Variants in STK3 observed in about 807,000 individuals in gnomAD.
STK3 encodes serine/threonine kinase 3.
In STK3, 41 loss-of-function variants were observed where a neutral mutation model predicts 58.0. The ratio of observed to expected loss-of-function variants is 0.71; its 90% CI spans 0.55 to 0.92. STK3 has a LOEUF of 0.92. STK3 is among the 40% of genes least tolerant of loss of function. The pLI is 0.00. For synonymous variants in STK3, 170 were observed against 191.0 expected (o/e 0.89, Z 0.91); for missense variants, 479 against 602.7 (o/e 0.79, Z 2.15).
chr8:98,735,457 C>T (rs1563942876), intron 4 of STK3, among the ~76,000 whole-genome samples: 6 of 152,182 alleles, frequency 3.9e-5, no homozygotes, highest in Admixed American at 6.5e-5. Flanking sequence ...GTGAATGATA[C>T]GAGGACTTGA....
At chr8:98,405,593 G>T (rs1817985966) in intron 3 of STK3, among the ~76,000 whole-genome samples, 2 of 152,098 alleles carry the variant, frequency 1.3e-5, no homozygotes, top group South Asian at 4.1e-4. Flanking sequence ...ATTAGCAGTG[G>T]GTCAGGAAAT....
At chr8:98,634,017 A>G (rs1042752137) in intron 6 of STK3, among the ~76,000 whole-genome samples, 1 of 152,234 alleles carries the variant, frequency 6.6e-6, no homozygotes, top group Admixed American at 6.5e-5. Flanking sequence ...GTGGAGTATT[A>G]AAAAAATCTG....
chr8:98,404,937 G>C (rs1398225460), intron 3 of STK3, among the ~76,000 whole-genome samples: 1 of 152,078 alleles, frequency 6.6e-6, no homozygotes, highest in African/African-American at 2.4e-5. Context: ...AATAACTAGG[G>C]TTGAGAGAGT....
intron 2 of STK3, 138 bp downstream of exon 2, chr8:98,774,601 G>T: frequency 1.9e-6 from 1 of 537,972 alleles, no homozygotes; most frequent in South Asian, 5.1e-5. Flanking sequence ...TTAAAATTCA[G>T]TATCACCTGC....
At chr8:98,780,163 C>A (rs1366120334) in intron 1 of STK3, among the ~76,000 whole-genome samples, 1 of 150,966 alleles carries the variant, frequency 6.6e-6, no homozygotes, top group African/African-American at 2.4e-5. Context: ...TATATTTTAC[C>A]TATTATAATT....
At chr8:98,752,984 A>G (rs1174320136) in intron 3 of STK3, among the ~76,000 whole-genome samples, 1 of 152,132 alleles carries the variant, frequency 6.6e-6, no homozygotes, top group Non-Finnish European at 1.5e-5. Context: ...GTTGTGAAGA[A>G]AAAGGAATGC....
intron 3 of STK3, among the ~76,000 whole-genome samples, chr8:98,433,265 C>T (rs1224548120): frequency 6.6e-6 from 1 of 152,132 alleles, no homozygotes; most frequent in African/African-American, 2.4e-5. Context: ...TCCTGCTCAG[C>T]ACCTCTGTCA....
intron 1 of STK3, among the ~76,000 whole-genome samples, chr8:98,780,432 T>C (rs928613757): frequency 6.6e-6 from 1 of 152,162 alleles, no homozygotes; most frequent in African/African-American, 2.4e-5. Context: ...AATCACCTAC[T>C]TGTTCTTTGC....
intron 2 of STK3, among the ~76,000 whole-genome samples, chr8:98,769,149 T>A (rs1394836185): frequency 1.3e-5 from 2 of 152,252 alleles, no homozygotes; most frequent in African/African-American, 4.8e-5. Flanking sequence ...TTTTCCTTGA[T>A]AGCAATATAG....
chr8:98,838,722 G>A (rs1270879464), intron 3 of STK3, among the ~76,000 whole-genome samples: 1 of 152,060 alleles, frequency 6.6e-6, no homozygotes, highest in Non-Finnish European at 1.5e-5. Flanking sequence ...TATTAACACA[G>A]CAAAACTTCC....
chr8:98,629,839 A>C (rs187420548), intron 6 of STK3, among the ~76,000 whole-genome samples: 2 of 152,280 alleles, frequency 1.3e-5, no homozygotes, highest in Non-Finnish European at 2.9e-5. Flanking sequence ...TTTCGCATGC[A>C]AACCACTCAA....
chr8:98,713,793 C>T (rs575849509), intron 4 of STK3, among the ~76,000 whole-genome samples: 1 of 152,182 alleles, frequency 6.6e-6, no homozygotes, highest in East Asian at 1.9e-4. Flanking sequence ...CAGCATCATC[C>T]TGATACCAAA....
At chr8:98,416,018 G>A (rs1186915110) in intron 3 of STK3, among the ~76,000 whole-genome samples, 1 of 152,180 alleles carries the variant, frequency 6.6e-6, no homozygotes, top group African/African-American at 2.4e-5. Context: ...GGCTGCTTTG[G>A]CCTTGGGGCA....
intron 6 of STK3, among the ~76,000 whole-genome samples, chr8:98,663,277 T>A (rs1205746241): frequency 6.6e-6 from 1 of 152,104 alleles, no homozygotes; most frequent in Non-Finnish European, 1.5e-5. Context: ...AAAATGCTCA[T>A]CATCACTGGC....
chr8:98,859,567 A>G (rs1243611269), intron 3 of STK3, among the ~76,000 whole-genome samples: 1 of 152,218 alleles, frequency 6.6e-6, no homozygotes, highest in Non-Finnish European at 1.5e-5. Context: ...GCACAAGGTT[A>G]TTGGAAACAA....
chr8:98,704,103 G>C (rs1019545134), intron 6 of STK3, among the ~76,000 whole-genome samples: 2 of 152,110 alleles, frequency 1.3e-5, no homozygotes, highest in Non-Finnish European at 2.9e-5. Context: ...AAACTACAAG[G>C]CTCTTTTCAA....
chr8:98,571,015 C>G (rs1211379618), intron 8 of STK3, among the ~76,000 whole-genome samples: 2 of 152,100 alleles, frequency 1.3e-5, no homozygotes, highest in African/African-American at 4.8e-5. Flanking sequence ...TTTTCTTTAC[C>G]TAATTCAAAA....
At chr8:98,793,193 G>T (rs1037305491) in intron 1 of STK3, among the ~76,000 whole-genome samples, 2 of 152,046 alleles carry the variant, frequency 1.3e-5, no homozygotes, top group Non-Finnish European at 2.9e-5. Flanking sequence ...GTGGGAAGCG[G>T]ATAAGGGATA....
intron 3 of STK3, among the ~76,000 whole-genome samples, chr8:98,855,846 C>T (rs559478142): frequency 1.2e-4 from 18 of 152,082 alleles, no homozygotes; most frequent in African/African-American, 3.6e-4. Flanking sequence ...AATGATGAAA[C>T]CCCATCTCTA....
Sources: allele counts gnomAD v4.1 joint callset (sites outside exome capture counted in the v4.1 genomes callset), GRCh38; gene constraint gnomAD v4.1.1; transcripts MANE v1.5; gene names NCBI Gene and HGNC (gene_info 2026-07-23, HGNC 2026-07-21).